The following RBP5 variants were observed in gnomAD, a reference collection of about 807,000 sequenced individuals.
RBP5 encodes the protein retinol-binding protein 5.
Under a neutral mutation model 17.8 loss-of-function variants are expected in RBP5, and 12 were observed. That is an observed-to-expected ratio of 0.67 (90% CI 0.43 to 1.09). The LOEUF is 1.09. Ranked by LOEUF, RBP5 falls within the 50% of genes least tolerant of loss-of-function variation. The pLI is 0.00. For synonymous variants in RBP5, 64 were observed against 68.1 expected, an observed-to-expected ratio of 0.94 and a Z score of 0.30; for missense variants, 172 against 169.4, an observed-to-expected ratio of 1.02 and a Z score of -0.09.
At chr12:7,129,575 A>C (rs1939239420), upstream of RBP5, 38 of 976,884 alleles carry the variant, frequency 3.9e-5, no homozygotes, top group Non-Finnish European at 4.5e-5. This position sits in a 1 kb window ranked among gnomAD's most constrained non-coding sequence, Gnocchi z 5.5. Flanking sequence ...TCTCCCTCTG[A>C]GTCATCGATG....
downstream of RBP5, among the ~76,000 whole-genome samples, chr12:7,122,751 C>G (rs1482437043): frequency 1.3e-5 from 2 of 152,186 alleles, no homozygotes; most frequent in East Asian, 1.9e-4. Context: ...ATTCCAGCAG[C>G]CCTCAGAGCT....
At chr12:7,118,252 A>G (rs899893637) in intron 3 of RBP5, 5 of 152,166 alleles carry the variant, frequency 3.3e-5, no homozygotes, top group Non-Finnish European at 4.4e-5. Flanking sequence ...AAGGGTGACA[A>G]TAGTTTCCTT....
At chr12:7,130,004 G>A (rs1939249093), upstream of RBP5, 2 of 193,386 alleles carry the variant, frequency 1.0e-5, no homozygotes, top group Non-Finnish European at 1.9e-5. Context: ...GCACGGATCT[G>A]TGGATGGAAG....
Position 7,128,458 on chromosome 12 carries a change from C to T in RBP5, c.74-40G>A. 2 of 1,600,648 alleles carry T rather than the reference C, an allele frequency of 1.2e-6. No homozygotes were observed. The highest frequency in any genetic ancestry group is 1.7e-6 in the Non-Finnish European group (2 of 1,169,990). ...TGTTAGTAGGGGTGCTGCTAGCCAG[C>T]CAGGAGCTCCTCTGCCTGCAGCAGC... is the stretch of plus-strand genomic sequence containing the variant. On this transcript the variant is annotated intron_variant, in intron 1 of 3. Coordinates refer to ENST00000266560, the MANE Select transcript of RBP5 (RefSeq NM_031491.4). The surrounding 1 kb of genome is among the most constrained non-coding windows in gnomAD (Gnocchi z 5.3).
chr12:7,125,776 T>C (rs1343590148), intron 2 of RBP5, among the ~76,000 whole-genome samples: 2 of 152,128 alleles, frequency 1.3e-5, no homozygotes, highest in Non-Finnish European at 2.9e-5. Context: ...GTGGAGGCAA[T>C]TGAAGAGTTG....
chr12:7,121,526 G>C (rs1176895749), downstream of RBP5, among the ~76,000 whole-genome samples: 3 of 152,220 alleles, frequency 2.0e-5, no homozygotes, highest in Non-Finnish European at 2.9e-5. Context: ...GCAGTGGGGA[G>C]GGGTACACGG....
At chr12:7,125,153 C>T (rs764861361) in intron 2 of RBP5, among the ~76,000 whole-genome samples, 9 of 152,132 alleles carry the variant, frequency 5.9e-5, no homozygotes, top group South Asian at 2.1e-4. Flanking sequence ...GTGATCCGCC[C>T]GCCACCGCTT....
chr12:7,126,513 GTGTGTGT>G (rs1436802499), intron 2 of RBP5, among the ~76,000 whole-genome samples: 5,737 of 121,290 alleles, frequency 0.047, 136 homozygotes, highest in Admixed American at 0.055. Context: ...TGGTGGTGGT[GTGTGTGT>G]GTGTGTGTGT....
chr12:7,121,615 T>C (rs1402720962), downstream of RBP5: 1 of 153,044 alleles, frequency 6.5e-6, no homozygotes, highest in Non-Finnish European at 1.5e-5. Context: ...CATGGTCCTC[T>C]GCTTCACAGG....
intron 2 of RBP5, among the ~76,000 whole-genome samples, chr12:7,125,052 G>A (rs569372690): frequency 1.2e-4 from 19 of 152,204 alleles, no homozygotes; most frequent in East Asian, 7.7e-4. Context: ...GATTACAGGC[G>A]TGCACCAACA....
At chr12:7,116,944 A>C (rs1462951968) in exon 4 of RBP5, 2 of 152,224 alleles carry the variant, frequency 1.3e-5, no homozygotes, top group African/African-American at 4.8e-5. Flanking sequence ...AACAGCAAGT[A>C]TGTACTATTT....
chr12:7,127,472 C>T, intron 2 of RBP5: 1 of 568,588 alleles, frequency 1.8e-6, no homozygotes, highest in Non-Finnish European at 3.1e-6. Context: ...ACTTATAATA[C>T]CTAATGCAAT....
In RBP5 at chr12:7,128,884, G is replaced by A; in HGVS notation, c.-109C>T. 1.1e-6 allele frequency: 1 copy of A among 891,298 alleles called. No individual in the cohort carries two copies. Among genetic ancestry groups the A allele is most frequent in the Non-Finnish European group, 1.8e-6 (1 of 546,694 alleles). The allele number at this position is 891,298 out of a possible 1,614,324, so 55.2% of individuals were successfully genotyped here. Reference sequence around the variant, plus strand: ...CCAGCCAGCTCCACACACAGAGACAGGATGTGTAATGGCCGGGTTACCAGG... The same window carrying A: ...CCAGCCAGCTCCACACACAGAGACAAGATGTGTAATGGCCGGGTTACCAGG... On this transcript the variant is annotated 5_prime_UTR_variant, in exon 1 of 4. Coordinates refer to ENST00000266560, the MANE Select transcript of RBP5 (RefSeq NM_031491.4). The surrounding 1 kb of genome is among the most constrained non-coding windows in gnomAD (Gnocchi z 5.3).
In RBP5 at chr12:7,124,847, C is replaced by G; in HGVS notation, c.253-117G>C. The G allele has an allele frequency of 1.5e-6, 1 of 654,090 alleles. No individual in the cohort carries two copies. The highest frequency in any genetic ancestry group is 2.8e-6 in the Non-Finnish European group (1 of 357,298). The allele number at this position is 654,090 out of a possible 1,614,324, so 40.5% of individuals were successfully genotyped here. A position where few individuals can be genotyped will look rare whatever the true frequency, so the allele number is the denominator to read the frequency against. Reference sequence around the variant, plus strand: ...CACAGCAGATACTGTCTGCTGCAGCCCCTCCACTGAGCGAGGGAGCTGCTC... The same window carrying G: ...CACAGCAGATACTGTCTGCTGCAGCGCCTCCACTGAGCGAGGGAGCTGCTC... On this transcript the variant is annotated intron_variant, in intron 2 of 3. Transcript: ENST00000266560. This position sits in a 1 kb window ranked among gnomAD's most constrained non-coding sequence, Gnocchi z 5.3.
intron 2 of RBP5, among the ~76,000 whole-genome samples, chr12:7,126,510 G>GGTGT (rs780320410): frequency 2.1e-3 from 269 of 131,096 alleles, no homozygotes; most frequent in Middle Eastern, 3.8e-3. Context: ...TGGTGGTGGT[G>GGTGT]GTGTGTGTGT....
rs924539836 is a variant in RBP5, at chr12:7,117,796, A to G, written n.890-489T>C. ...CAAGGTCTCCATCAGCAGATTGCCCAACAGAACAAGTTCAGAGCCCAGAGA... is the reference window on the plus strand; with the variant it reads ...CAAGGTCTCCATCAGCAGATTGCCCGACAGAACAAGTTCAGAGCCCAGAGA... On this transcript the variant is annotated intron_variant and non_coding_transcript_variant, in intron 3 of 3. Coordinates refer to the RBP5 transcript ENST00000619522. This position sits in a 1 kb window ranked among gnomAD's most constrained non-coding sequence, Gnocchi z 4.9. 6.6e-6 allele frequency: 1 copy of G among 152,204 alleles called. No individual in the cohort carries two copies. The highest frequency in any genetic ancestry group is 2.4e-5 in the African/African-American group (1 of 41,458). The allele number at this position is 152,204 out of a possible 1,614,324, so 9.4% of individuals were successfully genotyped here. A position where few individuals can be genotyped will look rare whatever the true frequency, so the allele number is the denominator to read the frequency against.
Position 7,124,886 on chromosome 12 carries a change from C to G in RBP5, c.253-156G>C, listed in dbSNP as rs180726571. On this transcript the variant is annotated intron_variant, in intron 2 of 3. Transcript: ENST00000266560. The surrounding 1 kb of genome is among the most constrained non-coding windows in gnomAD (Gnocchi z 5.3). Reference sequence around the variant, plus strand: ...AGGGAGCTGCTCTGATTCAGCAGGACTCCCTTTCCACCCTACTCTTTGTTT... The same window carrying G: ...AGGGAGCTGCTCTGATTCAGCAGGAGTCCCTTTCCACCCTACTCTTTGTTT... 2.3e-3 allele frequency among the ~76,000 whole-genome samples: 347 copies of G among 152,248 alleles called. 3 individuals are homozygous for G. The highest frequency in any genetic ancestry group is 0.02 in the Admixed American group (306 of 15,292).
At chr12:7,118,570 C>T (rs767909821) in intron 3 of RBP5, 1 of 152,266 alleles carries the variant, frequency 6.6e-6, no homozygotes, top group South Asian at 2.1e-4. Flanking sequence ...ATGGAGAGGC[C>T]ACACGACAAT....
chr12:7,123,379 C>A (rs1939108050), downstream of RBP5, among the ~76,000 whole-genome samples: 1 of 152,242 alleles, frequency 6.6e-6, no homozygotes, highest in Non-Finnish European at 1.5e-5. Flanking sequence ...ACCTCACATC[C>A]TCCGTCTACT....
Sources: allele counts gnomAD v4.1 joint callset (sites outside exome capture counted in the v4.1 genomes callset), GRCh38; gene constraint gnomAD v4.1.1; non-coding constraint Gnocchi (gnomAD v3.1); transcripts MANE v1.5; gene names NCBI Gene and HGNC (gene_info 2026-07-23, HGNC 2026-07-21).